The following DOK5 variants were observed in gnomAD, a reference collection of about 807,000 sequenced individuals.
The protein encoded by DOK5 is downstream of tyrosine kinase 5.
DOK5 carries 27 observed loss-of-function variants against 43.3 expected under a neutral mutation model. The observed-to-expected ratio is 0.62, with a 90% CI of 0.46 to 0.86. The LOEUF is 0.86. Among genes scored for constraint, DOK5 ranks in the 40% least tolerant of loss-of-function variants. The probability of loss-of-function intolerance (pLI) is 0.00; values close to 1 mark genes in which losing one functional copy is unlikely to be tolerated. For missense variants in DOK5, 373 were observed against 392.9 expected, an observed-to-expected ratio of 0.95 and a Z score of 0.43; for synonymous variants, 146 against 140.1, an observed-to-expected ratio of 1.04 and a Z score of -0.30.
At chr20:54,648,855 A>T (rs1979565840) in intron 7 of DOK5, among the ~76,000 whole-genome samples, 1 of 152,128 alleles carries the variant, frequency 6.6e-6, no homozygotes, top group South Asian at 2.1e-4. Flanking sequence ...CCTCAGTACA[A>T]TGTTCCTCTA....
At chr20:54,636,823 A>G (rs1978844756) in intron 6 of DOK5, among the ~76,000 whole-genome samples, 1 of 152,182 alleles carries the variant, frequency 6.6e-6, no homozygotes, top group South Asian at 2.1e-4. Flanking sequence ...ATGGTTACAA[A>G]CGAACTCCCA....
chr20:54,558,911 G>T (rs1984806230), intron 2 of DOK5, among the ~76,000 whole-genome samples: 1 of 152,120 alleles, frequency 6.6e-6, no homozygotes, highest in Admixed American at 6.6e-5. Flanking sequence ...TGAAAATGTA[G>T]CTCGAAGTAC....
At chr20:54,534,278 T>C (rs757177200) in intron 1 of DOK5, among the ~76,000 whole-genome samples, 6 of 152,150 alleles carry the variant, frequency 3.9e-5, no homozygotes, top group Non-Finnish European at 8.8e-5. Context: ...CCTTGATCCC[T>C]CTGGGCTCAG....
chr20:54,605,024 TACACACACACAC>T lies in DOK5; in HGVS notation c.600-5353_600-5342del, dbSNP rs35834800. Among the ~76,000 whole-genome samples the T allele has an allele frequency of 3.8e-5, 5 of 132,470 alleles. No homozygotes were observed. In the South Asian group the frequency reaches 9.0e-4, roughly 24 times the overall value. 86.9% of individuals were successfully genotyped at this position (132,470 alleles called of 152,430 possible). ...CTCAAAAAAAAAAAATATATATATA[TACACACACACAC>T]ACACACACACGTATACACACACACA... is the stretch of plus-strand genomic sequence containing the variant. On this transcript the variant is annotated intron_variant, in intron 5 of 7. Transcript: ENST00000262593.
chr20:54,648,662 C>T (rs1029796119), intron 7 of DOK5, among the ~76,000 whole-genome samples: 8 of 152,168 alleles, frequency 5.3e-5, no homozygotes, highest in Admixed American at 2.6e-4. Flanking sequence ...AAGAGACAGC[C>T]GGGGTGGTGA....
At chr20:54,577,569 A>G (rs1985491176) in intron 2 of DOK5, among the ~76,000 whole-genome samples, 2 of 152,248 alleles carry the variant, frequency 1.3e-5, no homozygotes, top group African/African-American at 4.8e-5. Context: ...GGGATTTGAG[A>G]GAAAACTCTA....
intron 1 of DOK5, among the ~76,000 whole-genome samples, chr20:54,512,795 C>A (rs1344593310): frequency 6.6e-6 from 1 of 152,150 alleles, no homozygotes; most frequent in African/African-American, 2.4e-5. Context: ...AAGCCCATCA[C>A]CAGAGCACGT....
chr20:54,569,576 G>C (rs1985217050), intron 2 of DOK5, among the ~76,000 whole-genome samples: 1 of 152,158 alleles, frequency 6.6e-6, no homozygotes, highest in South Asian at 2.1e-4. Flanking sequence ...TCAGGTAATA[G>C]CCTGCACCTT....
rs1985894162 is a variant in DOK5, at chr20:54,588,825, C to T, written c.409+19C>T. 1 of 1,611,232 alleles carries T rather than the reference C, an allele frequency of 6.2e-7. No individual in the cohort carries two copies. The highest frequency in any genetic ancestry group is 8.5e-7 in the Non-Finnish European group (1 of 1,178,236). ...CAGAGTGGTATGTAAAGAAAATTCT[C>T]TCCTCTCTCTTTCAAAACTGCTTCT... On this transcript the variant is annotated intron_variant, in intron 4 of 7. Transcript: ENST00000262593.
intron 2 of DOK5, among the ~76,000 whole-genome samples, chr20:54,556,175 G>A (rs190112285): frequency 3.1e-4 from 47 of 152,248 alleles, no homozygotes; most frequent in African/African-American, 6.7e-4. Flanking sequence ...CAAGGGTGGC[G>A]TCTTCCATGC....
chr20:54,569,584 CTTTAAG>C (rs1985217572), intron 2 of DOK5, among the ~76,000 whole-genome samples: 1 of 152,136 alleles, frequency 6.6e-6, no homozygotes, highest in African/African-American at 2.4e-5. Context: ...TAGCCTGCAC[CTTTAAG>C]TTTTTTTCTG....
Position 54,543,015 on chromosome 20 carries a change from TTAGAG to T in DOK5, c.67-11906_67-11902del, listed in dbSNP as rs1022536340. On this transcript the variant is annotated intron_variant, in intron 1 of 7. Coordinates refer to ENST00000262593, the MANE Select transcript of DOK5 (RefSeq NM_018431.5). ...AGTAGAGTAGCATAGAGTAAGTAGC[TTAGAG>T]TAGAGTAGAGTCCCTTGCAGAGAAA... Among the ~76,000 whole-genome samples, 8 of 151,876 alleles carry T rather than the reference TTAGAG, an allele frequency of 5.3e-5. No homozygotes were observed. In the South Asian group the frequency reaches 8.3e-4, roughly 16 times the overall value.
chr20:54,628,770 T>A (rs6023428), intron 6 of DOK5, among the ~76,000 whole-genome samples: 62,211 of 151,954 alleles, frequency 0.41, 14,906 homozygotes, highest in African/African-American at 0.64. Flanking sequence ...ATTATGCCCC[T>A]CACCAAACCA....
intron 1 of DOK5, among the ~76,000 whole-genome samples, chr20:54,547,782 C>T (rs965441122): frequency 1.3e-5 from 2 of 152,310 alleles, no homozygotes; most frequent in Non-Finnish European, 1.5e-5. Flanking sequence ...TGTCTTTCCA[C>T]CCAGCTTATT....
At chr20:54,509,680 G>A (rs1982946575) in intron 1 of DOK5, among the ~76,000 whole-genome samples, 1 of 152,112 alleles carries the variant, frequency 6.6e-6, no homozygotes, top group African/African-American at 2.4e-5. Flanking sequence ...ATTTATTATT[G>A]AGTAGAATTT....
chr20:54,615,031 G>A (rs762391151), intron 6 of DOK5, among the ~76,000 whole-genome samples: 2 of 152,154 alleles, frequency 1.3e-5, no homozygotes, highest in African/African-American at 2.4e-5. Flanking sequence ...GTTCATAACC[G>A]GAGAAAGACG....
rs143383203 is a variant in DOK5, at chr20:54,611,103, C to T, written c.735+580C>T. Among the ~76,000 whole-genome samples, 62 of 152,292 alleles carry T rather than the reference C, an allele frequency of 4.1e-4. No individual in the cohort carries two copies. In the East Asian group the frequency reaches 0.011, roughly 28 times the overall value. On this transcript the variant is annotated intron_variant, in intron 6 of 7. Transcript: ENST00000262593. Reference sequence around the variant, plus strand: ...CAACACTTTGTGGGTCAAAGAGAACCTGTCTGCGGGTGAACTGCTACCCAC... The same window carrying T: ...CAACACTTTGTGGGTCAAAGAGAACTTGTCTGCGGGTGAACTGCTACCCAC...
intron 5 of DOK5, among the ~76,000 whole-genome samples, chr20:54,592,230 C>T (rs1471063005): frequency 2.6e-5 from 4 of 152,118 alleles, no homozygotes; most frequent in Admixed American, 2.0e-4. Flanking sequence ...TATGAGGGCC[C>T]ATGGAGTTTT....
In DOK5 at chr20:54,641,495, A is replaced by AT. The variant is rs138707307; in HGVS notation, c.736-1958dup. Among the ~76,000 whole-genome samples the AT allele has an allele frequency of 2.7e-5, 4 of 147,148 alleles. No homozygotes were observed. The South Asian group carries it at 8.7e-4, about 32-fold the overall frequency. On this transcript the variant is annotated intron_variant, in intron 6 of 7. Transcript: ENST00000262593. ...CTTTTTTTTCTTTAAGAGATTGGAAATTTTTAAAAAAAAAATCCTAACATG... is the reference window on the plus strand; with the variant it reads ...CTTTTTTTTCTTTAAGAGATTGGAAATTTTTTAAAAAAAAAATCCTAACATG...
Sources: gnomAD v4.1 joint callset for allele counts (sites outside exome capture counted in the v4.1 genomes callset) on GRCh38, gnomAD v4.1.1 for gene constraint, MANE v1.5 for transcripts, NCBI Gene and HGNC (gene_info 2026-07-23, HGNC 2026-07-21) for gene names.